RGS7: variants seen among roughly 807,000 people sequenced by gnomAD.
RGS7 encodes the protein regulator of G protein signaling 7, also known as regulator of G-protein signaling 7.
A neutral mutation model predicts 81.1 loss-of-function variants in RGS7; 27 were observed. The observed-to-expected ratio is 0.33, with a 90% CI of 0.25 to 0.46. The LOEUF (loss-of-function observed/expected upper bound fraction) is 0.46. RGS7 is among the 20% of genes least tolerant of loss of function. The pLI, the probability that RGS7 is intolerant of heterozygous loss-of-function variation, is 1.00. For synonymous variants in RGS7, 208 were observed against 207.7 expected (o/e 1.00, Z -0.01); for missense variants, 396 against 607.4 (o/e 0.65, Z 3.66).
chr1:240,924,360 A>G (rs1405827819), intron 6 of RGS7, among the ~76,000 whole-genome samples: 1 of 152,178 alleles, frequency 6.6e-6, no homozygotes, highest in Admixed American at 6.5e-5. Flanking sequence ...GTCTTTCTCC[A>G]TGGGTCTGAA....
chr1:241,305,342 G>A (rs991179217), intron 2 of RGS7, among the ~76,000 whole-genome samples: 11 of 152,012 alleles, frequency 7.2e-5, no homozygotes, highest in African/African-American at 2.2e-4. Context: ...TAATGTCGTC[G>A]GTCACCCATG....
At chr1:241,063,365 A>G (rs74622623) in intron 3 of RGS7, among the ~76,000 whole-genome samples, 3,879 of 152,272 alleles carry the variant, frequency 0.025, 149 homozygotes, top group African/African-American at 0.076. Flanking sequence ...CTTACTCAAT[A>G]GTCTCCTCTA....
chr1:241,240,465 A>G (rs1297178369), intron 2 of RGS7, among the ~76,000 whole-genome samples: 1 of 152,218 alleles, frequency 6.6e-6, no homozygotes, highest in African/African-American at 2.4e-5. Context: ...ATAAATATGT[A>G]TGTGTGTGGG....
intron 2 of RGS7, among the ~76,000 whole-genome samples, chr1:241,136,781 T>C (rs550080795): frequency 2.1e-4 from 32 of 152,334 alleles, no homozygotes; most frequent in African/African-American, 7.5e-4. Context: ...AAATTACAAA[T>C]GAGCATCATA....
intron 2 of RGS7, among the ~76,000 whole-genome samples, chr1:241,126,920 C>A (rs1382570673): frequency 6.6e-6 from 1 of 151,814 alleles, no homozygotes; most frequent in Non-Finnish European, 1.5e-5. Flanking sequence ...TTGTTCACTT[C>A]TTTCTTTCCT....
intron 2 of RGS7, among the ~76,000 whole-genome samples, chr1:241,170,577 TG>T (rs1245027846): frequency 6.6e-6 from 1 of 152,078 alleles, no homozygotes; most frequent in African/African-American, 2.4e-5. Flanking sequence ...GGCACCGTGG[TG>T]GGGTGTATAG....
Position 241,294,912 on chromosome 1 carries a change from G to A in RGS7, c.78+60787C>T, listed in dbSNP as rs555500568. On this transcript the variant is annotated intron_variant, in intron 2 of 18. Transcript: ENST00000440928. ...CACGCTATGGTGTTAGTCAACTAAA[G>A]AAACAAATAGTGGTGAGAGAAGAGA... is the stretch of plus-strand genomic sequence containing the variant. Among the ~76,000 whole-genome samples, 132 of 152,222 alleles carry A rather than the reference G, an allele frequency of 8.7e-4. 2 individuals carry two copies. The highest frequency in any genetic ancestry group is 3.0e-3 in the African/African-American group (123 of 41,546).
chr1:240,869,956 A>G lies in RGS7; in HGVS notation c.450+99T>C, dbSNP rs967858904. 6.9e-6 allele frequency: 7 copies of G among 1,015,252 alleles called. No homozygotes were observed. In the African/African-American group the frequency reaches 1.1e-4, roughly 16 times the overall value. 62.9% of individuals were successfully genotyped at this position (1,015,252 alleles called of 1,614,324 possible). On this transcript the variant is annotated intron_variant, in intron 7 of 18. Transcript: ENST00000440928. Reference sequence around the variant, plus strand: ...ACTCCATCTCAAAAAAAAGAAAAAGATCCATGAATGAAGAGTTAACATCCT... The same window carrying G: ...ACTCCATCTCAAAAAAAAGAAAAAGGTCCATGAATGAAGAGTTAACATCCT...
intron 2 of RGS7, among the ~76,000 whole-genome samples, chr1:241,175,925 C>G (rs1006704330): frequency 3.3e-5 from 5 of 152,104 alleles, no homozygotes; most frequent in Non-Finnish European, 1.5e-5. Flanking sequence ...ATTTAAAGAG[C>G]AGTGATTCTT....
At chr1:241,287,371 T>C (rs1053150272) in intron 2 of RGS7, among the ~76,000 whole-genome samples, 1 of 152,182 alleles carries the variant, frequency 6.6e-6, no homozygotes, top group Non-Finnish European at 1.5e-5. Context: ...GTTCTTGTGA[T>C]AGTGAATAAG....
chr1:241,202,109 A>G (rs1332181376), intron 2 of RGS7, among the ~76,000 whole-genome samples: 1 of 151,918 alleles, frequency 6.6e-6, no homozygotes, highest in African/African-American at 2.4e-5. Context: ...GAGGAGGTGA[A>G]TGAATAAATT....
rs1263747515 is a variant in RGS7, at chr1:240,907,829, A to G, written c.385+22888T>C. Among the ~76,000 whole-genome samples the G allele has an allele frequency of 2.6e-5, 4 of 152,190 alleles. No individual in the cohort carries two copies. In the East Asian group the frequency reaches 7.7e-4, roughly 29 times the overall value. On this transcript the variant is annotated intron_variant, in intron 6 of 18. Transcript: ENST00000440928. ...TAGACACATTTACCAACCAAGTGAAACATGGCGTCTTGTCGGCCTTAACCG... is the reference window on the plus strand; with the variant it reads ...TAGACACATTTACCAACCAAGTGAAGCATGGCGTCTTGTCGGCCTTAACCG...
At chr1:241,190,127 C>T (rs1374139925) in intron 2 of RGS7, among the ~76,000 whole-genome samples, 2 of 152,066 alleles carry the variant, frequency 1.3e-5, no homozygotes, top group Non-Finnish European at 2.9e-5. Context: ...CTGGTCCTAT[C>T]TGTATGGGTA....
At chr1:240,920,425 G>A (rs754682281) in intron 6 of RGS7, 566 of 1,305,450 alleles carry the variant, frequency 4.3e-4, no homozygotes, top group Admixed American at 5.7e-4. Flanking sequence ...GGTGGTGGAA[G>A]CTACAATGAT....
At chr1:240,857,251 G>T (rs116208838) in intron 9 of RGS7, among the ~76,000 whole-genome samples, 82 of 151,854 alleles carry the variant, frequency 5.4e-4, no homozygotes, top group African/African-American at 1.9e-3. Flanking sequence ...GAGTAGTTTA[G>T]GTTTACAGAA....
intron 2 of RGS7, among the ~76,000 whole-genome samples, chr1:241,301,736 C>T (rs1294237609): frequency 6.6e-6 from 1 of 152,138 alleles, no homozygotes; most frequent in Non-Finnish European, 1.5e-5. Flanking sequence ...AAGATACTTA[C>T]AATAGTGTAA....
At position 240,969,156 on chromosome 1, in the gene RGS7, ACTTTT is replaced by A. The variant is rs201910483; in HGVS notation, c.226+13918_226+13922del. Among the ~76,000 whole-genome samples the A allele has an allele frequency of 9.3e-4, 142 of 152,120 alleles. 1 individual carries two copies. Among genetic ancestry groups the A allele is most frequent in the Middle Eastern group, 3.4e-3 (1 of 294 alleles). On this transcript the variant is annotated intron_variant, in intron 4 of 18. Transcript: ENST00000440928. ...TTATTAGCTTTATCCAGTGCTTTTT[ACTTTT>A]CTTTTCTTTTCTTTTCGTCTATTCT...
Position 241,202,013 on chromosome 1 carries a change from C to A in RGS7, c.79-103251G>T, listed in dbSNP as rs1299973447. On this transcript the variant is annotated intron_variant, in intron 2 of 18. Coordinates refer to ENST00000440928, the MANE Select transcript of RGS7 (RefSeq NM_001364886.1). ...CTGCAAACACACAGACACACACAGA[C>A]ACACACACACACACACACACACACA... Among the ~76,000 whole-genome samples the A allele has an allele frequency of 5.5e-3, 386 of 70,496 alleles. 1 individual carries two copies. The highest frequency in any genetic ancestry group is 0.015 in the African/African-American group (336 of 21,758). 46.2% of individuals were successfully genotyped at this position (70,496 alleles called of 152,430 possible).
At chr1:241,234,760 C>T (rs2075839439) in intron 2 of RGS7, among the ~76,000 whole-genome samples, 1 of 152,096 alleles carries the variant, frequency 6.6e-6, no homozygotes, top group Non-Finnish European at 1.5e-5. Flanking sequence ...GTTTATACCA[C>T]ATCCTATTGC....
Sources: allele counts gnomAD v4.1 joint callset (sites outside exome capture counted in the v4.1 genomes callset), GRCh38; gene constraint gnomAD v4.1.1; transcripts MANE v1.5; gene names NCBI Gene and HGNC (gene_info 2026-07-23, HGNC 2026-07-21).